COL5A1: variants seen among roughly 807,000 people sequenced by gnomAD.
The protein encoded by COL5A1 is collagen alpha-1(V) chain.
A neutral mutation model predicts 263.7 loss-of-function variants in COL5A1; 16 were observed. The observed-to-expected ratio is 0.06, with a 90% confidence interval of 0.04 to 0.09. COL5A1 has a LOEUF of 0.09. Among genes scored for constraint, COL5A1 ranks in the 10% least tolerant of loss-of-function variants. COL5A1 has a pLI of 1.00. For missense variants in COL5A1, 2,036 were observed against 2,540.5 expected (o/e 0.80, Z 4.27); for synonymous variants, 1,012 against 1,004.5 (o/e 1.01, Z -0.14).
chr9:134,646,857 C>G (rs1258339388), intron 1 of COL5A1, among the ~76,000 whole-genome samples: 1 of 152,148 alleles, frequency 6.6e-6, no homozygotes, highest in Non-Finnish European at 1.5e-5. Context: ...GAGGCTGGAG[C>G]TGAGTTTCCC....
rs889400042 is a variant in COL5A1, at chr9:134,742,246, G to A, written c.1494+3438G>A. 3.9e-5 allele frequency among the ~76,000 whole-genome samples: 6 copies of A among 152,152 alleles called. No individual in the cohort carries two copies. Among genetic ancestry groups the A allele is most frequent in the Admixed American group, 6.5e-5 (1 of 15,288 alleles). On this transcript the variant is annotated intron_variant, in intron 11 of 65. Transcript: ENST00000371817. The surrounding 1 kb of genome is among the most constrained non-coding windows in gnomAD (Gnocchi z 4.6). ...CTTGCTCTTGTGCCCACGGCTGCCC[G>A]CAGGGAGCAGAGTGCAAGGAGAGGC...
rs199637893 is a variant in COL5A1, at chr9:134,824,704, C to T, written c.4803C>T (p.Tyr1601=). ...QLLDDGNGEN[Y]VDYADGMEEI... ...TGGACGACGGGAATGGCGAGAACTA[C>T]GTGGACTACGCGGACGGCATGGAAG... The change falls in exon 62 of 66, where the codon TAC becomes TAT. Residue 1601 remains tyrosine, a synonymous_variant. Transcript: ENST00000371817. 4.4e-5 allele frequency: 71 copies of T among 1,614,220 alleles called. No individual in the cohort carries two copies. The highest frequency in any genetic ancestry group is 3.6e-4 in the East Asian group (16 of 44,874).
At chr9:134,831,345 G>A (rs1839615310) in intron 64 of COL5A1, among the ~76,000 whole-genome samples, 1 of 152,228 alleles carries the variant, frequency 6.6e-6, no homozygotes, top group African/African-American at 2.4e-5. Flanking sequence ...CACCGTGGCT[G>A]TGTTTCTGGA....
intron 4 of COL5A1, among the ~76,000 whole-genome samples, chr9:134,714,386 G>C (rs1015870215): frequency 1.3e-5 from 2 of 150,714 alleles, no homozygotes; most frequent in African/African-American, 4.9e-5. Flanking sequence ...CATGATGGTA[G>C]TGATGGTGGT....
intron 8 of COL5A1, 49 bp downstream of exon 8, chr9:134,731,712 G>A: frequency 6.4e-7 from 1 of 1,563,032 alleles, no homozygotes; most frequent in Non-Finnish European, 8.7e-7. Flanking sequence ...GGGCTGGTGG[G>A]GCATCATGGG....
At chr9:134,723,534 C>T (rs1435186616) in intron 4 of COL5A1, among the ~76,000 whole-genome samples, 2 of 152,228 alleles carry the variant, frequency 1.3e-5, no homozygotes, top group East Asian at 3.9e-4. Flanking sequence ...TTCTGTGGCT[C>T]TGCAGTTGGG....
At chr9:134,670,144 C>T (rs775151872) in intron 1 of COL5A1, among the ~76,000 whole-genome samples, 2 of 152,128 alleles carry the variant, frequency 1.3e-5, no homozygotes, top group African/African-American at 2.4e-5. Context: ...AACATTCCAC[C>T]GCATGTTTGT....
intron 4 of COL5A1, among the ~76,000 whole-genome samples, chr9:134,708,299 C>A (rs941092625): frequency 6.6e-6 from 1 of 152,286 alleles, no homozygotes; most frequent in Non-Finnish European, 1.5e-5. Context: ...CATGGATAGG[C>A]CAGGTGTCCC....
At chr9:134,828,757 G>A (rs1191305516) in intron 63 of COL5A1, among the ~76,000 whole-genome samples, 1 of 49,936 alleles carries the variant, frequency 2.0e-5, no homozygotes, top group East Asian at 6.0e-4. Flanking sequence ...CCACGCACAT[G>A]ATACATACCA....
At chr9:134,712,027 CCCCCCTTCTTCCTG>C (rs1178899836) in intron 4 of COL5A1, among the ~76,000 whole-genome samples, 3 of 44,142 alleles carry the variant, frequency 6.8e-5, no homozygotes, top group Admixed American at 5.8e-4. Flanking sequence ...CTCCTTCCTT[CCCCCCTTCTTCCTG>C]CCCCCTTCTT....
chr9:134,834,055 C>T (rs1021994278), intron 64 of COL5A1, among the ~76,000 whole-genome samples: 1 of 152,136 alleles, frequency 6.6e-6, no homozygotes, highest in African/African-American at 2.4e-5. Flanking sequence ...GAGGGAGGAG[C>T]CGTGCAGTGG....
In COL5A1 at chr9:134,809,175, T is replaced by C; in HGVS notation, c.3367-8T>C. ...CACGTTTGACCTGAGATCTTCTGTA[T>C]TCTCTAGGGCGAGAAAGGCCCACAA... On this transcript the variant is annotated splice_region_variant and splice_polypyrimidine_tract_variant and intron_variant, in intron 42 of 65. Coordinates refer to ENST00000371817, the MANE Select transcript of COL5A1 (RefSeq NM_000093.5). 1 of 1,567,592 alleles carries C rather than the reference T, an allele frequency of 6.4e-7. No homozygotes were observed. Among genetic ancestry groups the C allele is most frequent in the Non-Finnish European group, 8.7e-7 (1 of 1,155,132 alleles).
intron 4 of COL5A1, 111 bp downstream of exon 4, chr9:134,701,444 C>A: frequency 9.6e-7 from 1 of 1,036,492 alleles, no homozygotes; most frequent in Non-Finnish European, 1.5e-6. Context: ...TGGCGGTCCA[C>A]TGTGGTCACC....
chr9:134,802,936 C>T lies in COL5A1; in HGVS notation c.3055C>T (p.Pro1019Ser), dbSNP rs193920927. ...AATGGGTGAGCGTGGCCACCCTGGG[C>T]CCCCTGGACCCCCCGGTGAACAGGG... ...GPMGERGHPGPPGPPGEQGLP... is the reference protein window; with the variant it reads ...GPMGERGHPGSPGPPGEQGLP... Residue 1019 changes from proline (P) to serine (S), a missense_variant, in exon 39 of 66, where the codon CCC becomes TCC. Coordinates refer to ENST00000371817, the MANE Select transcript of COL5A1 (RefSeq NM_000093.5). 1.1e-5 allele frequency: 17 copies of T among 1,611,024 alleles called. No homozygotes were observed. Among genetic ancestry groups the T allele is most frequent in the East Asian group, 2.2e-5 (1 of 44,820 alleles).
chr9:134,649,572 G>A (rs1266094768), intron 1 of COL5A1: 3 of 446,244 alleles, frequency 6.7e-6, no homozygotes, highest in Non-Finnish European at 1.4e-5. Context: ...GTTTCTGGTG[G>A]CCTCTTTTTT....
intron 4 of COL5A1, among the ~76,000 whole-genome samples, chr9:134,710,000 G>GA (rs1432917936): frequency 1.3e-5 from 2 of 152,198 alleles, no homozygotes; most frequent in African/African-American, 2.4e-5. Flanking sequence ...TCACACGGCT[G>GA]ACGGGCGAGG....
chr9:134,760,284 C>CACAT (rs1836300206), intron 18 of COL5A1, among the ~76,000 whole-genome samples: 1 of 117,284 alleles, frequency 8.5e-6, no homozygotes. Context: ...TGCACACACG[C>CACAT]ACACACCCCC....
At chr9:134,743,705 A>T (rs1000950101) in intron 11 of COL5A1, among the ~76,000 whole-genome samples, 3 of 152,152 alleles carry the variant, frequency 2.0e-5, no homozygotes, top group Non-Finnish European at 4.4e-5. Context: ...GCCTGGCAAT[A>T]ATGATGCTGC....
At chr9:134,764,596 C>A (rs1836590660) in intron 20 of COL5A1, among the ~76,000 whole-genome samples, 1 of 152,144 alleles carries the variant, frequency 6.6e-6, no homozygotes, top group Non-Finnish European at 1.5e-5. Context: ...AATTACTATT[C>A]ATTTACTGTT....
Sources: allele counts gnomAD v4.1 joint callset (sites outside exome capture counted in the v4.1 genomes callset), GRCh38; gene constraint gnomAD v4.1.1; non-coding constraint Gnocchi (gnomAD v3.1); transcripts MANE v1.5; gene names NCBI Gene and HGNC (gene_info 2026-07-23, HGNC 2026-07-21).